Variants in PCDHGB2 observed in about 807,000 individuals in gnomAD.
The protein encoded by PCDHGB2 is protocadherin gamma subfamily B, 2, also known as protocadherin gamma-B2.
PCDHGB2 carries 55 observed loss-of-function variants against 59.3 expected under a neutral mutation model. The ratio of observed to expected loss-of-function variants is 0.93; its 90% confidence interval spans 0.75 to 1.16. PCDHGB2 has a LOEUF of 1.16. PCDHGB2 is among the 50% of genes most tolerant of loss of function. The pLI is 0.00. For missense variants in PCDHGB2, 1,228 were observed against 1,198.5 expected (o/e 1.02, Z -0.36); for synonymous variants, 516 against 512.0 (o/e 1.01, Z -0.11).
At chr5:141,389,197 T>C (rs2091642576) in intron 1 of PCDHGB2, 1 of 1,614,010 alleles carries the variant, frequency 6.2e-7, no homozygotes, top group East Asian at 2.2e-5. Context: ...AGCATCACCC[T>C]GCACATTGGT....
At position 141,477,742 on chromosome 5, in the gene PCDHGB2, G is replaced by C; in HGVS notation, c.2422-17065G>C. 2 of 1,613,800 alleles carry C rather than the reference G, an allele frequency of 1.2e-6. No individual in the cohort carries two copies. Among genetic ancestry groups the C allele is most frequent in the Non-Finnish European group, 1.7e-6 (2 of 1,180,030 alleles). ...AATTAACAGCTCATATCAGCGATGG[G>C]GGCACCCCGGTCCTAGCCACCAACA... On this transcript the variant is annotated intron_variant, in intron 1 of 3. Coordinates refer to ENST00000522605, the MANE Select transcript of PCDHGB2 (RefSeq NM_018923.3). The surrounding 1 kb of genome is among the most constrained non-coding windows in gnomAD (Gnocchi z 4.9).
intron 1 of PCDHGB2, among the ~76,000 whole-genome samples, chr5:141,450,814 A>ATT (rs755856825): frequency 0.033 from 4,450 of 136,778 alleles, 81 homozygotes; most frequent in Middle Eastern, 0.081. Context: ...TTATTTATTT[A>ATT]ATATTATTAT....
chr5:141,437,794 G>A (rs1162440523), intron 1 of PCDHGB2, among the ~76,000 whole-genome samples: 3 of 150,526 alleles, frequency 2.0e-5, no homozygotes, highest in Non-Finnish European at 4.4e-5. Flanking sequence ...CTGGAGTGCA[G>A]TGGCACTATC....
At chr5:141,364,971 C>G in intron 1 of PCDHGB2, 3 of 1,613,916 alleles carry the variant, frequency 1.9e-6, no homozygotes, top group Non-Finnish European at 2.5e-6. Flanking sequence ...CTCCTCACAG[C>G]TTTAGATGGC....
rs1001089000 is a variant in PCDHGB2, at chr5:141,370,469, A to T, written c.2421+7913A>T. The T allele has an allele frequency of 4.3e-6, 7 of 1,613,198 alleles. No homozygotes were observed. The African/African-American group carries it at 9.3e-5, about 22-fold the overall frequency. Reference sequence around the variant, plus strand: ...TATTTCTCTTCCTGCTCTCTTTGTTAGACCAGGCTCTCTCCGAACCGATCC... The same window carrying T: ...TATTTCTCTTCCTGCTCTCTTTGTTTGACCAGGCTCTCTCCGAACCGATCC... On this transcript the variant is annotated intron_variant, in intron 1 of 3. Transcript: ENST00000522605.
intron 1 of PCDHGB2, among the ~76,000 whole-genome samples, chr5:141,483,015 G>A (rs916071219): frequency 2.0e-5 from 3 of 152,044 alleles, no homozygotes; most frequent in African/African-American, 7.2e-5. Context: ...AACCCGGGAG[G>A]CAGAGGTTGC....
intron 1 of PCDHGB2, among the ~76,000 whole-genome samples, chr5:141,462,382 C>T (rs80320684): frequency 0.016 from 2,433 of 152,148 alleles, 70 homozygotes; most frequent in African/African-American, 0.055. Flanking sequence ...CTTTTAAATT[C>T]GTTAACATTT....
intron 1 of PCDHGB2, chr5:141,403,259 C>T: frequency 6.2e-7 from 1 of 1,613,866 alleles, no homozygotes; most frequent in Admixed American, 1.7e-5. Context: ...CCCGCGGTGT[C>T]TGGTGAACTT....
chr5:141,398,854 A>C, intron 1 of PCDHGB2: 1 of 1,613,984 alleles, frequency 6.2e-7, no homozygotes, highest in Non-Finnish European at 8.5e-7. Flanking sequence ...CCCGGTATTC[A>C]ACCGAGACGT....
intron 1 of PCDHGB2, among the ~76,000 whole-genome samples, chr5:141,455,489 A>T (rs925133619): frequency 3.9e-5 from 6 of 152,152 alleles, no homozygotes; most frequent in African/African-American, 4.8e-5. Context: ...GGTGGAGGTG[A>T]TGTCTGATTT....
intron 1 of PCDHGB2, chr5:141,371,193 A>G: frequency 1.2e-6 from 2 of 1,614,034 alleles, no homozygotes; most frequent in Non-Finnish European, 8.5e-7. Context: ...AGTGATGGCC[A>G]TTGACATGGA....
At position 141,489,577 on chromosome 5, in the gene PCDHGB2, C is replaced by A. The variant is rs918238376; in HGVS notation, c.2422-5230C>A. The stretch of plus-strand genomic sequence containing the variant: ...GCCAGTGCAGGTGGTGACTGAACAC[C>A]CCCTGGAGCTAATCCGTGTAGAGGT... On this transcript the variant is annotated intron_variant, in intron 1 of 3. Coordinates refer to ENST00000522605, the MANE Select transcript of PCDHGB2 (RefSeq NM_018923.3). This position sits in a 1 kb window ranked among gnomAD's most constrained non-coding sequence, Gnocchi z 4.5. The A allele has an allele frequency of 6.2e-7, 1 of 1,613,894 alleles. No individual in the cohort carries two copies. The highest frequency in any genetic ancestry group is 8.5e-7 in the Non-Finnish European group (1 of 1,180,000).
At chr5:141,417,958 C>T (rs1255501304) in intron 1 of PCDHGB2, 3 of 1,613,720 alleles carry the variant, frequency 1.9e-6, no homozygotes, top group South Asian at 2.2e-5. Context: ...GTGAGCCGAT[C>T]CGCTACTCGA....
rs1403163275 is a variant in PCDHGB2 at position 141,441,708 on chromosome 5, A to T, written c.2422-53099A>T. ...AGAGCAGCCGCGAGCCTTCAAGCTC[A>T]CGCTGCAGGCCCGCGACCAGGACTA... On this transcript the variant is annotated intron_variant, in intron 1 of 3. Coordinates refer to ENST00000522605, the MANE Select transcript of PCDHGB2 (RefSeq NM_018923.3). 2.8e-5 allele frequency: 9 copies of T among 319,492 alleles called. No homozygotes were observed. In the East Asian group the frequency reaches 1.0e-3, roughly 37 times the overall value. 19.8% of individuals were successfully genotyped at this position (319,492 alleles called of 1,614,324 possible).
intron 1 of PCDHGB2, chr5:141,409,896 C>T (rs1181128940): frequency 6.2e-7 from 1 of 1,613,240 alleles, no homozygotes; most frequent in East Asian, 2.2e-5. Flanking sequence ...GTGCTGTACC[C>T]AGCTCTGGGT....
intron 1 of PCDHGB2, among the ~76,000 whole-genome samples, chr5:141,474,669 C>T (rs983136753): frequency 6.6e-6 from 1 of 152,198 alleles, no homozygotes; most frequent in Non-Finnish European, 1.5e-5. Flanking sequence ...CCTACCTAAC[C>T]TATGTGCCTA....
chr5:141,374,093 C>G (rs1039229802), intron 1 of PCDHGB2: 2 of 1,554,704 alleles, frequency 1.3e-6, no homozygotes, highest in South Asian at 1.2e-5. Context: ...AATGGCGCCT[C>G]CGCAGAGGCA....
chr5:141,495,415 C>T (rs1385371906), intron 2 of PCDHGB2, among the ~76,000 whole-genome samples: 1 of 152,194 alleles, frequency 6.6e-6, no homozygotes, highest in Admixed American at 6.5e-5. Context: ...TTCTCCGGCC[C>T]CTCCTCCCAC....
chr5:141,364,962 T>G, intron 1 of PCDHGB2: 1 of 1,613,878 alleles, frequency 6.2e-7, no homozygotes, highest in South Asian at 1.1e-5. Context: ...CACGACCTCC[T>G]CCTCACAGCT....
Sources: gnomAD v4.1 joint callset for allele counts (sites outside exome capture counted in the v4.1 genomes callset) on GRCh38, gnomAD v4.1.1 for gene constraint, Gnocchi (gnomAD v3.1) non-coding constraint, MANE v1.5 for transcripts, NCBI Gene and HGNC (gene_info 2026-07-23, HGNC 2026-07-21) for gene names.